The following EXT1 variants were observed in gnomAD, a reference collection of about 807,000 sequenced individuals.
The protein encoded by EXT1 is exostosin-1.
Under a neutral mutation model 82.5 loss-of-function variants are expected in EXT1, and 20 were observed. That is an observed-to-expected ratio of 0.24 (90% CI 0.17 to 0.35). The LOEUF is 0.35. Among genes scored for constraint, EXT1 ranks in the 10% least tolerant of loss-of-function variants. EXT1 has a pLI of 1.00. For synonymous variants in EXT1, 348 were observed against 350.8 expected (o/e 0.99, Z 0.09); for missense variants, 757 against 936.5 (o/e 0.81, Z 2.50).
At chr8:118,104,567 C>G (rs1817776372) in intron 1 of EXT1, among the ~76,000 whole-genome samples, 1 of 152,278 alleles carries the variant, frequency 6.6e-6, no homozygotes, top group East Asian at 1.9e-4. Context: ...CAGAAAATAC[C>G]TTGTTTCAAA....
intron 1 of EXT1, among the ~76,000 whole-genome samples, chr8:117,850,355 C>T (rs1307664361): frequency 6.6e-6 from 1 of 152,216 alleles, no homozygotes; most frequent in African/African-American, 2.4e-5. Context: ...GTATCACAAA[C>T]TGCCTTCCTC....
chr8:117,826,533 A>C (rs1291664737), intron 4 of EXT1, among the ~76,000 whole-genome samples: 1 of 152,212 alleles, frequency 6.6e-6, no homozygotes, highest in Non-Finnish European at 1.5e-5. Context: ...CGTGATACTT[A>C]AATTGTTCTT....
intron 1 of EXT1, among the ~76,000 whole-genome samples, chr8:117,876,541 A>G (rs1812972691): frequency 6.6e-6 from 1 of 152,234 alleles, no homozygotes; most frequent in Non-Finnish European, 1.5e-5. Context: ...GATAAAATAG[A>G]ATTTGGGTTA....
chr8:117,953,188 T>C (rs1002749847), intron 1 of EXT1, among the ~76,000 whole-genome samples: 1 of 152,158 alleles, frequency 6.6e-6, no homozygotes, highest in Non-Finnish European at 1.5e-5. Context: ...TAGCCAACTA[T>C]ACCAATTATA....
At position 117,819,875 on chromosome 8, in the gene EXT1, T is replaced by A. The variant is rs557013945; in HGVS notation, c.1418-81A>T. On this transcript the variant is annotated intron_variant, in intron 5 of 10. Transcript: ENST00000378204. ...AATTACTCCTCCTTGCTCCGCTGCCTCATGCTGGAGCAAATGTTCCCTCCT... is the reference window on the plus strand; with the variant it reads ...AATTACTCCTCCTTGCTCCGCTGCCACATGCTGGAGCAAATGTTCCCTCCT... 1.0e-4 allele frequency: 134 copies of A among 1,294,406 alleles called. 1 individual carries two copies. In the African/African-American group the frequency reaches 1.5e-3, roughly 14 times the overall value. 80.2% of individuals were successfully genotyped at this position (1,294,406 alleles called of 1,614,324 possible). A position where few individuals can be genotyped will look rare whatever the true frequency, so the allele number is the denominator to read the frequency against.
At chr8:118,097,502 T>C (rs180809484) in intron 1 of EXT1, among the ~76,000 whole-genome samples, 4 of 152,276 alleles carry the variant, frequency 2.6e-5, no homozygotes, top group Non-Finnish European at 5.9e-5. Flanking sequence ...TCATCCCTAA[T>C]TGGCCTGGAC....
At chr8:118,044,439 C>A (rs963599821) in intron 1 of EXT1, among the ~76,000 whole-genome samples, 25 of 151,396 alleles carry the variant, frequency 1.7e-4, no homozygotes, top group African/African-American at 6.1e-4. Context: ...CGGAGTTTTA[C>A]TCTTGTTGCC....
At chr8:117,866,051 C>T (rs1812769712) in intron 1 of EXT1, among the ~76,000 whole-genome samples, 1 of 151,948 alleles carries the variant, frequency 6.6e-6, no homozygotes, top group Non-Finnish European at 1.5e-5. Flanking sequence ...ATGGTGAAAC[C>T]CCATCTCTAC....
At chr8:117,999,946 A>G (rs1277219446) in intron 1 of EXT1, among the ~76,000 whole-genome samples, 1 of 149,012 alleles carries the variant, frequency 6.7e-6, no homozygotes, top group African/African-American at 2.5e-5. Flanking sequence ...ATATATATAT[A>G]TATGTATGTG....
At chr8:117,925,705 C>CAAAAAA (rs3049788) in intron 1 of EXT1, among the ~76,000 whole-genome samples, 2 of 98,626 alleles carry the variant, frequency 2.0e-5, no homozygotes, top group Non-Finnish European at 2.0e-5. Context: ...CCTGTCTCTA[C>CAAAAAA]AAAAAAAAAA....
At chr8:117,845,113 C>G (rs1812332134) in intron 1 of EXT1, among the ~76,000 whole-genome samples, 1 of 152,158 alleles carries the variant, frequency 6.6e-6, no homozygotes. Flanking sequence ...CTTTTCATGT[C>G]CTCTTAAAAT....
intron 1 of EXT1, among the ~76,000 whole-genome samples, chr8:117,921,172 C>A (rs992474221): frequency 3.4e-4 from 52 of 152,142 alleles, no homozygotes; most frequent in African/African-American, 1.2e-3. Context: ...GGCAAAGCCT[C>A]GCCTGCAACT....
intron 1 of EXT1, among the ~76,000 whole-genome samples, chr8:118,026,713 G>A (rs17431443): frequency 8.3e-4 from 126 of 152,256 alleles, no homozygotes; most frequent in Non-Finnish European, 7.5e-4. Context: ...TCTTTGGGGG[G>A]AGGGAACAGC....
chr8:117,956,233 C>T (rs1274636332), intron 1 of EXT1, among the ~76,000 whole-genome samples: 1 of 151,020 alleles, frequency 6.6e-6, no homozygotes, highest in Admixed American at 6.6e-5. Flanking sequence ...GCCCTTGGCA[C>T]GGGCCTGGCT....
intron 1 of EXT1, among the ~76,000 whole-genome samples, chr8:118,038,477 C>G (rs1052023083): frequency 1.3e-5 from 2 of 152,182 alleles, no homozygotes; most frequent in African/African-American, 4.8e-5. Context: ...GACCTCCTCT[C>G]TGCTAGCTGA....
chr8:117,906,043 C>T (rs959849639), intron 1 of EXT1, among the ~76,000 whole-genome samples: 2 of 152,154 alleles, frequency 1.3e-5, no homozygotes, highest in African/African-American at 4.8e-5. Flanking sequence ...TTTGCTTTTG[C>T]TTACATAAAA....
intron 1 of EXT1, among the ~76,000 whole-genome samples, chr8:117,961,038 C>T (rs1233398996): frequency 1.3e-5 from 2 of 152,166 alleles, no homozygotes; most frequent in Non-Finnish European, 2.9e-5. Context: ...GGTAAATGGG[C>T]AAATGGTCGT....
In EXT1 at chr8:117,812,685, G is replaced by T. The variant is rs17503166; in HGVS notation, c.1722+187C>A. ...CAGAGACAACAAAGGGGAGATGCCC[G>T]CCTCAGAGTGCCAGGTGGCAGCAAG... On this transcript the variant is annotated intron_variant, in intron 8 of 10. Coordinates refer to ENST00000378204, the MANE Select transcript of EXT1 (RefSeq NM_000127.3). Among the ~76,000 whole-genome samples the T allele has an allele frequency of 7.2e-3, 1,100 of 152,326 alleles. 20 individuals carry two copies. Among genetic ancestry groups the T allele is most frequent in the African/African-American group, 0.025 (1,045 of 41,556 alleles).
At chr8:117,855,204 G>C (rs1425906397) in intron 1 of EXT1, among the ~76,000 whole-genome samples, 1 of 152,144 alleles carries the variant, frequency 6.6e-6, no homozygotes, top group African/African-American at 2.4e-5. Flanking sequence ...TGGCAGGTCT[G>C]CTCAGCTAGT....
Sources: allele counts gnomAD v4.1 joint callset (sites outside exome capture counted in the v4.1 genomes callset), GRCh38; gene constraint gnomAD v4.1.1; transcripts MANE v1.5; gene names NCBI Gene and HGNC (gene_info 2026-07-23, HGNC 2026-07-21).